ZBTB7C: variants seen among roughly 807,000 people sequenced by gnomAD.
ZBTB7C encodes the protein zinc finger and BTB domain-containing protein 7C.
ZBTB7C carries 8 observed loss-of-function variants against 25.7 expected under a neutral mutation model. The observed-to-expected ratio is 0.31, with a 90% CI of 0.18 to 0.56. The LOEUF is 0.56. Among genes scored for constraint, ZBTB7C ranks in the 20% least tolerant of loss-of-function variants. The pLI is 0.91. For synonymous variants in ZBTB7C, 394 were observed against 369.0 expected (o/e 1.07, Z -0.78); for missense variants, 824 against 855.2 (o/e 0.96, Z 0.46).
chr18:48,195,486 T>C (rs2042298101), intron 2 of ZBTB7C, among the ~76,000 whole-genome samples: 1 of 152,204 alleles, frequency 6.6e-6, no homozygotes, highest in Admixed American at 6.5e-5. Context: ...ACTTTGCTCC[T>C]CCTTTGCCTT....
At chr18:48,229,853 C>T (rs1421588559) in intron 2 of ZBTB7C, among the ~76,000 whole-genome samples, 1 of 152,058 alleles carries the variant, frequency 6.6e-6, no homozygotes, top group Non-Finnish European at 1.5e-5. Flanking sequence ...GAGGGGGTGG[C>T]CAAGGGGGAA....
rs531284310 is a variant in ZBTB7C, at chr18:48,085,915, C to T, written c.-16-44792G>A. 1.1e-4 allele frequency among the ~76,000 whole-genome samples: 17 copies of T among 152,282 alleles called. No homozygotes were observed. In the South Asian group the frequency reaches 2.7e-3, roughly 24 times the overall value. On this transcript the variant is annotated intron_variant, in intron 3 of 4. Coordinates refer to ENST00000590800, the MANE Select transcript of ZBTB7C (RefSeq NM_001318841.2). ...CTCTGAGGGGCTCTGGTTCCTTCTC[C>T]AGGATCCCTGCCTGACCATGCCTAG...
chr18:48,200,380 G>C (rs2042412694), intron 2 of ZBTB7C, among the ~76,000 whole-genome samples: 1 of 151,982 alleles, frequency 6.6e-6, no homozygotes, highest in Non-Finnish European at 1.5e-5. Flanking sequence ...GTACAGGCCA[G>C]ACCAGGGAAG....
chr18:48,241,015 T>C (rs2043508497), intron 2 of ZBTB7C, among the ~76,000 whole-genome samples: 1 of 152,004 alleles, frequency 6.6e-6, no homozygotes, highest in Non-Finnish European at 1.5e-5. Flanking sequence ...AGATACTCCA[T>C]GCAAGTGGAC....
intron 1 of ZBTB7C, among the ~76,000 whole-genome samples, chr18:48,376,632 G>A (rs2047524891): frequency 6.6e-6 from 1 of 152,252 alleles, no homozygotes. Flanking sequence ...CCCAGGGCCT[G>A]CAGCCTGGAG....
At chr18:48,174,154 A>G (rs1324794183) in intron 3 of ZBTB7C, among the ~76,000 whole-genome samples, 1 of 152,258 alleles carries the variant, frequency 6.6e-6, no homozygotes, top group Admixed American at 6.5e-5. Flanking sequence ...TCCCATAAGT[A>G]AAGTCACAGG....
rs1358506194 is a variant in ZBTB7C, at chr18:48,096,288, G to C, written c.-16-55165C>G. Reference sequence around the variant, plus strand: ...AGGAAGAAAACGGAATCACAGGCCTGATCCCTTCAAGACGGTCACAAGCTG... The same window carrying C: ...AGGAAGAAAACGGAATCACAGGCCTCATCCCTTCAAGACGGTCACAAGCTG... On this transcript the variant is annotated intron_variant, in intron 3 of 4. Transcript: ENST00000590800. Among the ~76,000 whole-genome samples, 5 of 152,294 alleles carry C rather than the reference G, an allele frequency of 3.3e-5. 1 individual carries two copies. Among genetic ancestry groups the C allele is most frequent in the South Asian group, 4.1e-4 (2 of 4,820 alleles).
At chr18:48,165,257 T>A (rs1026126933) in intron 3 of ZBTB7C, 2 of 541,622 alleles carry the variant, frequency 3.7e-6, no homozygotes, top group African/African-American at 3.9e-5. Flanking sequence ...AGCAGCTCTG[T>A]CTGGGAGAAA....
At position 48,029,055 on chromosome 18, in the gene ZBTB7C, G is replaced by C. The variant is rs1053556415; in HGVS notation, c.*205C>G. On this transcript the variant is annotated 3_prime_UTR_variant, in exon 5 of 5. Transcript: ENST00000590800. The stretch of plus-strand genomic sequence containing the variant: ...GGAGGCCCGGGCTCCTGGCCTTTTG[G>C]GAAAAGATGCCCGTCTCAGACCAGC... The C allele has an allele frequency of 6.9e-6, 5 of 728,838 alleles. No homozygotes were observed. Among genetic ancestry groups the C allele is most frequent in the Non-Finnish European group, 1.0e-5 (5 of 485,838 alleles). The allele number at this position is 728,838 out of a possible 1,614,324, so 45.1% of individuals were successfully genotyped here. A position where few individuals can be genotyped will look rare whatever the true frequency, so the allele number is the denominator to read the frequency against.
intron 3 of ZBTB7C, among the ~76,000 whole-genome samples, chr18:48,111,613 GCT>G (rs1491401923): frequency 6.6e-6 from 1 of 151,920 alleles, no homozygotes; most frequent in Non-Finnish European, 1.5e-5. Context: ...TGGGAGGCAT[GCT>G]CTGTTTTCAC....
At chr18:48,212,797 A>G (rs1411722214) in intron 2 of ZBTB7C, among the ~76,000 whole-genome samples, 1 of 151,824 alleles carries the variant, frequency 6.6e-6, no homozygotes, top group Non-Finnish European at 1.5e-5. Flanking sequence ...ACAAGGGGGG[A>G]TTGGGCTGGG....
intron 3 of ZBTB7C, among the ~76,000 whole-genome samples, chr18:48,079,257 C>T (rs1410373513): frequency 6.6e-6 from 1 of 152,166 alleles, no homozygotes; most frequent in Non-Finnish European, 1.5e-5. Flanking sequence ...TCAGTTCAAC[C>T]ACAGGTAAGT....
chr18:48,411,336 G>A (rs1170668683), upstream of ZBTB7C, among the ~76,000 whole-genome samples: 4 of 152,170 alleles, frequency 2.6e-5, no homozygotes. Context: ...ATAGTCTATC[G>A]TGGAACCTAA....
intron 3 of ZBTB7C, among the ~76,000 whole-genome samples, chr18:48,169,035 G>A (rs1333357386): frequency 6.6e-6 from 1 of 152,232 alleles, no homozygotes; most frequent in Non-Finnish European, 1.5e-5. Flanking sequence ...CACTTGCCCT[G>A]TCCCCAAGGG....
rs566112222 is a variant in ZBTB7C, at chr18:48,125,108, A to G, written c.-17+60826T>C. ...TTCAAAATTACAGCTACTGTGTGCT[A>G]GATATATCGCATAATTTATCTTTTT... is the stretch of plus-strand genomic sequence containing the variant. On this transcript the variant is annotated intron_variant, in intron 3 of 4. Transcript: ENST00000590800. Among the ~76,000 whole-genome samples the G allele has an allele frequency of 7.9e-5, 12 of 152,348 alleles. No individual in the cohort carries two copies. In the South Asian group the frequency reaches 2.3e-3, roughly 29 times the overall value.
At chr18:48,200,296 C>A (rs2145198571) in intron 2 of ZBTB7C, among the ~76,000 whole-genome samples, 1 of 152,130 alleles carries the variant, frequency 6.6e-6, no homozygotes, top group Middle Eastern at 3.4e-3. Flanking sequence ...GTCAGAAAAC[C>A]CAACCGAGAC....
At chr18:48,075,673 G>A (rs1222684808) in intron 3 of ZBTB7C, among the ~76,000 whole-genome samples, 1 of 152,110 alleles carries the variant, frequency 6.6e-6, no homozygotes, top group Non-Finnish European at 1.5e-5. Flanking sequence ...GTGGAGGAGG[G>A]GCAGGTGACT....
intron 3 of ZBTB7C, among the ~76,000 whole-genome samples, chr18:48,133,280 T>G (rs1002970919): frequency 6.6e-6 from 1 of 152,272 alleles, no homozygotes; most frequent in African/African-American, 2.4e-5. Context: ...GCGGATGAAG[T>G]GGAAGGAGGC....
intron 3 of ZBTB7C, among the ~76,000 whole-genome samples, chr18:48,113,282 C>T (rs936289304): frequency 6.6e-6 from 1 of 152,240 alleles, no homozygotes; most frequent in Admixed American, 6.5e-5. Context: ...ATAATACCCC[C>T]TGGTCTGTCT....
Sources: gnomAD v4.1 joint callset for allele counts (sites outside exome capture counted in the v4.1 genomes callset) on GRCh38, gnomAD v4.1.1 for gene constraint, MANE v1.5 for transcripts, NCBI Gene and HGNC (gene_info 2026-07-23, HGNC 2026-07-21) for gene names.